BTLA: variants seen among roughly 807,000 people sequenced by gnomAD.
The protein encoded by BTLA is B and T lymphocyte associated.
BTLA carries 11 observed loss-of-function variants against 25.0 expected under a neutral mutation model. The observed-to-expected ratio is 0.44, with a 90% CI of 0.28 to 0.73. The LOEUF (loss-of-function observed/expected upper bound fraction) is 0.73, where lower values mean the gene tolerates loss of function less well. Among genes scored for constraint, BTLA ranks in the 30% least tolerant of loss-of-function variants. BTLA has a pLI of 0.15. For synonymous variants in BTLA, 104 were observed against 119.8 expected (o/e 0.87, Z 0.86); for missense variants, 282 against 332.8 (o/e 0.85, Z 1.19).
At chr3:112,499,472 T>TAAAA (rs71631393), upstream of BTLA, 24 of 414,064 alleles carry the variant, frequency 5.8e-5, no homozygotes, top group East Asian at 1.0e-4. Flanking sequence ...GTGAAATAAC[T>TAAAA]AAAAAAAAAA....
chr3:112,488,645 G>A (rs989659256), intron 1 of BTLA, among the ~76,000 whole-genome samples: 18 of 151,868 alleles, frequency 1.2e-4, no homozygotes, highest in Non-Finnish European at 2.1e-4. Flanking sequence ...ACGGAGTCTC[G>A]CTCTGTCACC....
At chr3:112,488,298 G>A (rs1319637552) in intron 1 of BTLA, among the ~76,000 whole-genome samples, 23 of 135,080 alleles carry the variant, frequency 1.7e-4, no homozygotes, top group African/African-American at 5.3e-4. Flanking sequence ...CGCAATCTCC[G>A]CTCACTGCAA....
In BTLA at chr3:112,466,273, C is replaced by A. The variant is rs1398040242; in HGVS notation, c.705G>T (p.Arg235Ser). ...IYDNDPDLCF[R>S]MQEGSEVYSN... ...AATAAACTTCAGACCCTTCCTGCAT[C>A]CTGAAACAAAGGTCAGGGTCATTAT... Residue 235 changes from arginine (R) to serine (S), a missense_variant, in exon 5 of 5, where the codon AGG becomes AGT. Transcript: ENST00000334529. The A allele has an allele frequency of 6.2e-7, 1 of 1,614,042 alleles. No homozygotes were observed. Among genetic ancestry groups the A allele is most frequent in the South Asian group, 1.1e-5 (1 of 91,050 alleles).
Position 112,467,003 on chromosome 3 carries a change from G to T in BTLA, c.595-620C>A, listed in dbSNP as rs79679986. ...AGACGGAGTCTTGCCTATAGCCCAGGCTGGAGTGCAGTGGTGCGATCTCGG... is the reference window on the plus strand; with the variant it reads ...AGACGGAGTCTTGCCTATAGCCCAGTCTGGAGTGCAGTGGTGCGATCTCGG... On this transcript the variant is annotated intron_variant, in intron 4 of 4. Transcript: ENST00000334529. 4.6e-3 allele frequency among the ~76,000 whole-genome samples: 705 copies of T among 151,668 alleles called. 6 individuals are homozygous for T. Among genetic ancestry groups the T allele is most frequent in the African/African-American group, 0.016 (668 of 41,256 alleles).
At chr3:112,480,737 C>A (rs149990534) in intron 1 of BTLA, among the ~76,000 whole-genome samples, 1 of 152,294 alleles carries the variant, frequency 6.6e-6, no homozygotes, top group African/African-American at 2.4e-5. Context: ...AAAACTGTTA[C>A]AATAGCAATA....
At chr3:112,495,034 GA>G (rs936769362) in intron 1 of BTLA, among the ~76,000 whole-genome samples, 2 of 152,032 alleles carry the variant, frequency 1.3e-5, no homozygotes, top group East Asian at 3.9e-4. Flanking sequence ...TGGACTAAAA[GA>G]AAAAAAATTA....
chr3:112,491,551 A>G (rs1364607798), intron 1 of BTLA, among the ~76,000 whole-genome samples: 1 of 152,214 alleles, frequency 6.6e-6, no homozygotes, highest in African/African-American at 2.4e-5. Flanking sequence ...GGAAGAGTCA[A>G]GGCTAGGACT....
intron 4 of BTLA, among the ~76,000 whole-genome samples, chr3:112,469,251 A>T (rs1040685840): frequency 6.6e-6 from 1 of 152,014 alleles, no homozygotes; most frequent in African/African-American, 2.4e-5. Context: ...ATTGCCAGGG[A>T]CCTCTGTGTA....
At chr3:112,474,258 T>C (rs2082277908) in intron 2 of BTLA, among the ~76,000 whole-genome samples, 1 of 152,220 alleles carries the variant, frequency 6.6e-6, no homozygotes, top group African/African-American at 2.4e-5. Context: ...AAAATTTCTT[T>C]ATGAAAAGCA....
intron 2 of BTLA, among the ~76,000 whole-genome samples, chr3:112,477,818 G>T (rs763846040): frequency 6.6e-6 from 1 of 151,874 alleles, no homozygotes; most frequent in African/African-American, 2.4e-5. Flanking sequence ...TGAGATGAGG[G>T]TTCAAATTAA....
At chr3:112,498,568 CTTTT>C (rs34606026) in intron 1 of BTLA, among the ~76,000 whole-genome samples, 97 of 83,862 alleles carry the variant, frequency 1.2e-3, no homozygotes, top group African/African-American at 4.6e-3. Flanking sequence ...AAGAAATTGC[CTTTT>C]TTTTTTTTTT....
intron 1 of BTLA, among the ~76,000 whole-genome samples, chr3:112,487,461 T>C (rs998783157): frequency 6.6e-6 from 1 of 152,112 alleles, no homozygotes; most frequent in African/African-American, 2.4e-5. Context: ...GGCGCATGCC[T>C]GTAATCCCAG....
chr3:112,498,660 C>T (rs1406613556), intron 1 of BTLA, among the ~76,000 whole-genome samples: 1 of 122,934 alleles, frequency 8.1e-6, no homozygotes, highest in African/African-American at 3.2e-5. Context: ...TTTCTGTGTT[C>T]AATTGACAAC....
At position 112,491,802 on chromosome 3, in the gene BTLA, ACT is replaced by A. The variant is rs148667343; in HGVS notation, c.88+7467_88+7468del. Among the ~76,000 whole-genome samples the A allele has an allele frequency of 6.0e-3, 911 of 151,832 alleles. 7 individuals are homozygous for A. Among genetic ancestry groups the A allele is most frequent in the South Asian group, 0.03 (145 of 4,796 alleles). ...TAAAGACAAGATGGAAACACAGAAG[ACT>A]CTGCTGTGAAAAATTACCCCCAACA... On this transcript the variant is annotated intron_variant, in intron 1 of 4. Transcript: ENST00000334529.
intron 2 of BTLA, among the ~76,000 whole-genome samples, chr3:112,477,899 C>G (rs1006927074): frequency 1.3e-5 from 2 of 151,914 alleles, no homozygotes; most frequent in Non-Finnish European, 2.9e-5. Flanking sequence ...ACTGAATAAT[C>G]TTGGTACCCT....
intron 1 of BTLA, among the ~76,000 whole-genome samples, chr3:112,487,921 C>T (rs2082357191): frequency 6.6e-6 from 1 of 152,138 alleles, no homozygotes; most frequent in East Asian, 1.9e-4. Flanking sequence ...CAAATTTGGT[C>T]CTCCTCTCAT....
chr3:112,469,397 CA>C (rs981098344), intron 4 of BTLA, among the ~76,000 whole-genome samples: 4 of 151,874 alleles, frequency 2.6e-5, no homozygotes, highest in African/African-American at 9.7e-5. Flanking sequence ...AAGGTGTTTA[CA>C]TAAAAAATAA....
chr3:112,491,005 C>A (rs1009574606), intron 1 of BTLA, among the ~76,000 whole-genome samples: 7 of 152,134 alleles, frequency 4.6e-5, no homozygotes, highest in African/African-American at 1.7e-4. Context: ...CCACTGAAGA[C>A]TTTAAGCTCT....
At chr3:112,483,737 G>A (rs1022813917) in intron 1 of BTLA, among the ~76,000 whole-genome samples, 1 of 151,990 alleles carries the variant, frequency 6.6e-6, no homozygotes, top group African/African-American at 2.4e-5. Flanking sequence ...GGAGGCCGAG[G>A]GAGGTGGATC....
Sources: gnomAD v4.1 joint callset for allele counts (sites outside exome capture counted in the v4.1 genomes callset) on GRCh38, gnomAD v4.1.1 for gene constraint, MANE v1.5 for transcripts, NCBI Gene and HGNC (gene_info 2026-07-23, HGNC 2026-07-21) for gene names.